WDR11: variants seen among roughly 807,000 people sequenced by gnomAD.
The protein encoded by WDR11 is WD repeat domain 11.
WDR11 carries 83 observed loss-of-function variants against 151.2 expected under a neutral mutation model. The ratio of observed to expected loss-of-function variants is 0.55; its 90% CI spans 0.46 to 0.66. The LOEUF is 0.66. Among genes scored for constraint, WDR11 ranks in the 30% least tolerant of loss-of-function variants. WDR11 has a pLI of 0.00. For synonymous variants in WDR11, 484 were observed against 533.1 expected (o/e 0.91, Z 1.27); for missense variants, 1,301 against 1,480.9 (o/e 0.88, Z 1.99).
intron 2 of WDR11, among the ~76,000 whole-genome samples, chr10:120,853,871 G>T (rs562327740): frequency 6.6e-6 from 1 of 152,298 alleles, no homozygotes; most frequent in South Asian, 2.1e-4. Flanking sequence ...AGTGTTTCCA[G>T]TTATCAGAGG....
chr10:120,870,000 G>A (rs1256998627), intron 9 of WDR11, among the ~76,000 whole-genome samples: 1 of 152,046 alleles, frequency 6.6e-6, no homozygotes, highest in African/African-American at 2.4e-5. Flanking sequence ...ATGTTGACCA[G>A]GATGGTCTCA....
chr10:120,878,291 T>C, intron 11 of WDR11, 62 bp from the exon 12 acceptor site: 1 of 1,346,118 alleles, frequency 7.4e-7, no homozygotes, highest in South Asian at 1.3e-5. Context: ...ATTTTTCAAA[T>C]AAATGAACCT....
intron 27 of WDR11, chr10:120,906,233 A>C: frequency 6.9e-7 from 1 of 1,440,194 alleles, no homozygotes; most frequent in Non-Finnish European, 9.1e-7. Context: ...TCCTACTAAT[A>C]TGCTGATCAG....
chr10:120,854,925 C>T (rs549214296), intron 2 of WDR11, among the ~76,000 whole-genome samples: 1 of 152,132 alleles, frequency 6.6e-6, no homozygotes, highest in African/African-American at 2.4e-5. Flanking sequence ...TCCAAGACCC[C>T]AGTGGAAGCC....
chr10:120,890,477 G>C (rs578197210), intron 18 of WDR11, among the ~76,000 whole-genome samples: 2 of 152,286 alleles, frequency 1.3e-5, no homozygotes, highest in Admixed American at 6.5e-5. Context: ...GCCTCCTAAA[G>C]TCCTGGGATT....
intron 16 of WDR11, among the ~76,000 whole-genome samples, chr10:120,887,149 C>G (rs935451866): frequency 6.6e-6 from 1 of 152,106 alleles, no homozygotes; most frequent in Non-Finnish European, 1.5e-5. Context: ...ACTCATATGG[C>G]AGAGCAGTGT....
Position 120,867,090 on chromosome 10 carries a change from T to C in WDR11, c.1215T>C (p.Tyr405=). 6.2e-7 allele frequency: 1 copy of C among 1,613,814 alleles called. No homozygotes were observed. The highest frequency in any genetic ancestry group is 1.1e-5 in the South Asian group (1 of 91,074). ...GTAGTTCTGGTGTGTCACCTTTATA[T>C]TCACCAGTGTCTTTCTGTGGAATTC... ...RNSSSGVSPL[Y]SPVSFCGIPV... Residue 405 remains tyrosine (Y), a synonymous_variant, in exon 9 of 29, where the codon TAT becomes TAC. Coordinates refer to ENST00000263461, the MANE Select transcript of WDR11 (RefSeq NM_018117.12).
At chr10:120,884,140 A>G (rs891490830) in intron 14 of WDR11, among the ~76,000 whole-genome samples, 2 of 152,210 alleles carry the variant, frequency 1.3e-5, no homozygotes, top group African/African-American at 4.8e-5. Context: ...AACATATTCA[A>G]AAATGTTTAT....
In WDR11 at chr10:120,905,321, G is replaced by A; in HGVS notation, c.3196G>A (p.Gly1066Ser). ...GGGGATGCGCTTTTGTCTTTCAGAG[G>A]GCGTTCAGTTGCTCTGCCTGATAGA... Reference protein sequence around the residue: ...NMIANGKLAEGVQLLCLIDKA... With the variant: ...NMIANGKLAESVQLLCLIDKA... The change falls in exon 26 of 29, where the codon GGC becomes AGC. Residue 1066 changes from glycine (G) to serine (S), a missense_variant and splice_region_variant. Coordinates refer to ENST00000263461, the MANE Select transcript of WDR11 (RefSeq NM_018117.12). The A allele has an allele frequency of 6.2e-7, 1 of 1,613,962 alleles. No individual in the cohort carries two copies. The highest frequency in any genetic ancestry group is 8.5e-7 in the Non-Finnish European group (1 of 1,180,016).
intron 16 of WDR11, among the ~76,000 whole-genome samples, chr10:120,887,689 A>G (rs1218712136): frequency 3.3e-5 from 5 of 152,300 alleles, no homozygotes; most frequent in African/African-American, 1.2e-4. Flanking sequence ...GCTGTTGACG[A>G]GGGACCTTAG....
chr10:120,908,192 A>C (rs1590129151), intron 28 of WDR11: 1 of 268,240 alleles, frequency 3.7e-6, no homozygotes, highest in East Asian at 8.4e-5. Flanking sequence ...CCAGCCTCTC[A>C]GACTTTCAAA....
In WDR11 at chr10:120,873,909, C is replaced by T. The variant is rs12355108; in HGVS notation, c.1542C>T (p.His514=). The T allele has an allele frequency of 0.018, 28,464 of 1,610,882 alleles. 336 individuals carry two copies. The highest frequency in any genetic ancestry group is 0.019 in the Non-Finnish European group (22,929 of 1,177,244). The change falls in exon 11 of 29, where the codon CAC becomes CAT. Residue 514 remains histidine, a synonymous_variant. Coordinates refer to ENST00000263461, the MANE Select transcript of WDR11 (RefSeq NM_018117.12). ...TGCTACACAAAGAGTTAAGCATCCACTCATGTGAAGTCAAGTAAGTATGTC... is the reference window on the plus strand; with the variant it reads ...TGCTACACAAAGAGTTAAGCATCCATTCATGTGAAGTCAAGTAAGTATGTC... ...SGLLHKELSI[H]SCEVKGIEWT...
At chr10:120,871,068 T>C in intron 9 of WDR11, 102 bp from the exon 10 acceptor site, 1 of 1,202,214 alleles carries the variant, frequency 8.3e-7, no homozygotes, top group Non-Finnish European at 1.2e-6. Flanking sequence ...AACTACATTA[T>C]ACTTTTAGAC....
intron 2 of WDR11, among the ~76,000 whole-genome samples, chr10:120,853,512 G>A (rs149344924): frequency 0.061 from 9,239 of 152,060 alleles, 934 homozygotes; most frequent in African/African-American, 0.21. Context: ...TGATCCACCC[G>A]CCTTGGCCTC....
chr10:120,865,015 C>A, intron 5 of WDR11, 32 bp from the exon 6 acceptor site: 1 of 1,612,208 alleles, frequency 6.2e-7, no homozygotes, highest in Non-Finnish European at 8.5e-7. Flanking sequence ...TAAATGAAGT[C>A]TTTGACCCAA....
chr10:120,903,325 A>G (rs764853690), intron 23 of WDR11, 93 bp downstream of exon 23: 3 of 1,476,446 alleles, frequency 2.0e-6, no homozygotes, highest in Non-Finnish European at 2.8e-6. Flanking sequence ...TTTCAAACTA[A>G]GTTACTGTTC....
rs767927722 is a variant in WDR11 at position 120,904,003 on chromosome 10, C to T, written c.2932-44C>T. ...ACAGTAAAATTTAAATAATTCCAAA[C>T]TCTTATAATCCAGGCTTAATTTTTC... On this transcript the variant is annotated intron_variant, in intron 23 of 28. Transcript: ENST00000263461. The T allele has an allele frequency of 7.6e-6, 10 of 1,316,062 alleles. No homozygotes were observed. In the South Asian group the frequency reaches 1.2e-4, roughly 16 times the overall value. The allele number at this position is 1,316,062 out of a possible 1,614,324, so 81.5% of individuals were successfully genotyped here. A position where few individuals can be genotyped will look rare whatever the true frequency, so the allele number is the denominator to read the frequency against.
intron 19 of WDR11, among the ~76,000 whole-genome samples, chr10:120,892,640 T>C (rs1292565650): frequency 6.6e-6 from 1 of 152,232 alleles, no homozygotes; most frequent in African/African-American, 2.4e-5. Context: ...TGGTGTTTCC[T>C]ATGTTTTCTT....
At position 120,866,680 on chromosome 10, in the gene WDR11, ATGCAGCCGCCCTCGTAG is replaced by A; in HGVS notation, c.1109_1125del (p.Ala370GlufsTer2). ...ATGGTGTGCTGTCCTGTCAATGAGA[ATGCAGCCGCCCTCGTAG>A]TGAGTGATGGCAGGGTCATGATATG... On this transcript the variant is annotated frameshift_variant, in exon 8 of 29. Coordinates refer to ENST00000263461, the MANE Select transcript of WDR11 (RefSeq NM_018117.12). LOFTEE classifies it high-confidence loss of function. 6.2e-7 allele frequency: 1 copy of A among 1,614,190 alleles called. No individual in the cohort carries two copies. The highest frequency in any genetic ancestry group is 2.2e-5 in the East Asian group (1 of 44,878).
Sources: allele counts gnomAD v4.1 joint callset (sites outside exome capture counted in the v4.1 genomes callset), GRCh38; gene constraint gnomAD v4.1.1; transcripts MANE v1.5; gene names NCBI Gene and HGNC (gene_info 2026-07-23, HGNC 2026-07-21).